LBH: variants seen among roughly 807,000 people sequenced by gnomAD.
The protein encoded by LBH is protein LBH.
A neutral mutation model predicts 12.5 loss-of-function variants in LBH; 7 were observed. That is an observed-to-expected ratio of 0.56 (90% CI 0.32 to 1.05). The LOEUF is 1.05. Among genes scored for constraint, LBH ranks in the 50% least tolerant of loss-of-function variants. LBH has a pLI of 0.04. For synonymous variants in LBH, 51 were observed against 50.1 expected (o/e 1.02, Z -0.08); for missense variants, 119 against 138.9 (o/e 0.86, Z 0.72).
chr2:30,232,151 C>G, intron 1 of LBH: 1 of 1,543,378 alleles, frequency 6.5e-7, no homozygotes, highest in Non-Finnish European at 8.7e-7. Context: ...TCCTCTTTTT[C>G]TTTTTGTTTG....
intron 1 of LBH, chr2:30,232,892 G>A (rs1308276560): frequency 6.6e-6 from 1 of 152,410 alleles, no homozygotes; most frequent in African/African-American, 2.4e-5. Context: ...TTGCCGCAAA[G>A]CCCCGCATCT....
At chr2:30,237,604 T>C (rs1460313072) in intron 2 of LBH, among the ~76,000 whole-genome samples, 3 of 152,162 alleles carry the variant, frequency 2.0e-5, no homozygotes, top group Non-Finnish European at 4.4e-5. Context: ...CTGGTCACCT[T>C]CTCTTCTGCC....
intron 2 of LBH, among the ~76,000 whole-genome samples, chr2:30,242,950 T>G (rs990186735): frequency 6.6e-6 from 1 of 152,240 alleles, no homozygotes. Flanking sequence ...TCATTAAGCC[T>G]TCTGATTATA....
rs778684330 is a variant in LBH, at chr2:30,234,522, G to T, written c.129+15G>T. The T allele has an allele frequency of 6.3e-7, 1 of 1,582,296 alleles. No homozygotes were observed. The highest frequency in any genetic ancestry group is 1.3e-5 in the African/African-American group (1 of 74,226). Reference sequence around the variant, plus strand: ...TTTCCTACCAGGTGAGTAAGTCCTGGCTCCCCTCTGACTCTCTAGAGCCTA... The same window carrying T: ...TTTCCTACCAGGTGAGTAAGTCCTGTCTCCCCTCTGACTCTCTAGAGCCTA... On this transcript the variant is annotated intron_variant, in intron 2 of 2. Coordinates refer to ENST00000395323, the MANE Select transcript of LBH (RefSeq NM_030915.4).
chr2:30,240,786 G>A (rs1677777562), intron 2 of LBH, among the ~76,000 whole-genome samples: 3 of 152,174 alleles, frequency 2.0e-5, no homozygotes, highest in Admixed American at 2.0e-4. Flanking sequence ...CCTCCCACCG[G>A]CAGTAGCTTA....
At chr2:30,239,050 C>T (rs1252528155) in intron 2 of LBH, among the ~76,000 whole-genome samples, 1 of 152,078 alleles carries the variant, frequency 6.6e-6, no homozygotes, top group African/African-American at 2.4e-5. Context: ...CCACCACGCC[C>T]AGCTAATTTT....
chr2:30,237,761 A>G (rs1677714073), intron 2 of LBH, among the ~76,000 whole-genome samples: 1 of 152,192 alleles, frequency 6.6e-6, no homozygotes, highest in Admixed American at 6.5e-5. Flanking sequence ...CTTGTTTTGT[A>G]GTAACATTCA....
At position 30,231,612 on chromosome 2, in the gene LBH, G is replaced by T. The variant is rs1677585478; in HGVS notation, c.-127G>T. 2 of 898,368 alleles carry T rather than the reference G, an allele frequency of 2.2e-6. No individual in the cohort carries two copies. Among genetic ancestry groups the T allele is most frequent in the Non-Finnish European group, 3.6e-6 (2 of 554,396 alleles). The allele number at this position is 898,368 out of a possible 1,614,324, so 55.6% of individuals were successfully genotyped here. A position where few individuals can be genotyped will look rare whatever the true frequency, so the allele number is the denominator to read the frequency against. On this transcript the variant is annotated 5_prime_UTR_variant, in exon 1 of 3. Transcript: ENST00000395323. ...GCCGTGGGGCTGTCCTGGGAAGGCG[G>T]ACGGCGAGCGCCCGGTGTCCGCACT...
At chr2:30,250,111 G>A (rs1039664451) in intron 2 of LBH, among the ~76,000 whole-genome samples, 4 of 152,276 alleles carry the variant, frequency 2.6e-5, no homozygotes, top group South Asian at 2.1e-4. Flanking sequence ...CAGATCCTTC[G>A]GACTCTGTGG....
intron 2 of LBH, among the ~76,000 whole-genome samples, chr2:30,251,769 C>T (rs563856236): frequency 4.3e-4 from 66 of 151,750 alleles, no homozygotes; most frequent in Non-Finnish European, 7.4e-4. Flanking sequence ...ATATAAACAT[C>T]AATTTAATGT....
chr2:30,249,228 TAATAA>T (rs1677930796), intron 2 of LBH, among the ~76,000 whole-genome samples: 1 of 152,228 alleles, frequency 6.6e-6, no homozygotes, highest in South Asian at 2.1e-4. Flanking sequence ...ATAATGATGA[TAATAA>T]AATAGCAGGA....
At chr2:30,243,126 T>A (rs1271301322) in intron 2 of LBH, among the ~76,000 whole-genome samples, 3 of 152,262 alleles carry the variant, frequency 2.0e-5, no homozygotes, top group Non-Finnish European at 4.4e-5. Flanking sequence ...TTAAAGTGTT[T>A]AGGAGATATT....
chr2:30,235,136 A>G (rs1677667229), intron 2 of LBH, among the ~76,000 whole-genome samples: 1 of 152,156 alleles, frequency 6.6e-6, no homozygotes, highest in South Asian at 2.1e-4. Context: ...AAGGATCACA[A>G]AAAGGGACCA....
rs150329241 is a variant in LBH, at chr2:30,233,604, T to C, written c.27-801T>C. Among the ~76,000 whole-genome samples the C allele has an allele frequency of 1.3e-3, 202 of 152,338 alleles. 1 individual carries two copies. Among genetic ancestry groups the C allele is most frequent in the South Asian group, 9.7e-3 (47 of 4,830 alleles). On this transcript the variant is annotated intron_variant, in intron 1 of 2. Coordinates refer to ENST00000395323, the MANE Select transcript of LBH (RefSeq NM_030915.4). ...CACGGGATCCTGTATGTGCCCAGAGTTTGTGCAAGGATAAGGGAATATTCG... is the reference window on the plus strand; with the variant it reads ...CACGGGATCCTGTATGTGCCCAGAGCTTGTGCAAGGATAAGGGAATATTCG...
chr2:30,252,358 G>A (rs1677995323), intron 2 of LBH, among the ~76,000 whole-genome samples: 1 of 152,168 alleles, frequency 6.6e-6, no homozygotes, highest in African/African-American at 2.4e-5. Flanking sequence ...GGAACCGTGA[G>A]GCAATTAAAC....
Position 30,231,609 on chromosome 2 carries a change from G to T in LBH, c.-130G>T. The T allele has an allele frequency of 1.2e-6, 1 of 858,596 alleles. No individual in the cohort carries two copies. The highest frequency in any genetic ancestry group is 1.9e-6 in the Non-Finnish European group (1 of 519,110). 53.2% of individuals were successfully genotyped at this position (858,596 alleles called of 1,614,324 possible). On this transcript the variant is annotated 5_prime_UTR_variant, in exon 1 of 3. Coordinates refer to ENST00000395323, the MANE Select transcript of LBH (RefSeq NM_030915.4). ...CTAGCCGTGGGGCTGTCCTGGGAAG[G>T]CGGACGGCGAGCGCCCGGTGTCCGC...
At chr2:30,247,476 TTGA>T (rs1677895111) in intron 2 of LBH, among the ~76,000 whole-genome samples, 1 of 152,256 alleles carries the variant, frequency 6.6e-6, no homozygotes, top group African/African-American at 2.4e-5. Flanking sequence ...GTTATTTTCC[TTGA>T]AGTGACAGGC....
chr2:30,239,950 C>T (rs1275190081), intron 2 of LBH, among the ~76,000 whole-genome samples: 1 of 152,202 alleles, frequency 6.6e-6, no homozygotes, highest in East Asian at 1.9e-4. Context: ...GAGTCTGTAG[C>T]CTGGTCAGGG....
chr2:30,239,479 A>G (rs2103557444), intron 2 of LBH, among the ~76,000 whole-genome samples: 1 of 152,330 alleles, frequency 6.6e-6, no homozygotes, highest in South Asian at 2.1e-4. Context: ...GCTGCTGAGC[A>G]GCTGCACGCA....
Sources: allele counts gnomAD v4.1 joint callset (sites outside exome capture counted in the v4.1 genomes callset), GRCh38; gene constraint gnomAD v4.1.1; transcripts MANE v1.5; gene names NCBI Gene and HGNC (gene_info 2026-07-23, HGNC 2026-07-21).